Variants in RTN4IP1 observed in about 807,000 individuals in gnomAD.
The protein encoded by RTN4IP1 is NAD(P)H oxidoreductase RTN4IP1, mitochondrial.
In RTN4IP1, 32 loss-of-function variants were observed where a neutral mutation model predicts 46.6. That is an observed-to-expected ratio of 0.69 (90% CI 0.52 to 0.92). The LOEUF is 0.92. Among genes scored for constraint, RTN4IP1 ranks in the 40% least tolerant of loss-of-function variants. The pLI is 0.00. For missense variants in RTN4IP1, 424 were observed against 485.8 expected (o/e 0.87, Z 1.20); for synonymous variants, 167 against 161.8 (o/e 1.03, Z -0.24).
chr6:106,594,941 A>T (rs145571709), intron 5 of RTN4IP1, among the ~76,000 whole-genome samples: 1 of 152,102 alleles, frequency 6.6e-6, no homozygotes, highest in African/African-American at 2.4e-5. Flanking sequence ...AGCTGGCACT[A>T]CAGGCACGTC....
At chr6:106,602,322 TA>T (rs778183552) in intron 5 of RTN4IP1, among the ~76,000 whole-genome samples, 126 of 152,332 alleles carry the variant, frequency 8.3e-4, no homozygotes, top group Non-Finnish European at 1.6e-3. Flanking sequence ...ACTGAATCTA[TA>T]AATCACTTCA....
chr6:106,573,252 G>C (rs957036806), intron 8 of RTN4IP1, among the ~76,000 whole-genome samples: 4 of 152,196 alleles, frequency 2.6e-5, no homozygotes, highest in Admixed American at 2.6e-4. Context: ...TTATCCACCA[G>C]GTATCTCAGT....
intron 8 of RTN4IP1, among the ~76,000 whole-genome samples, chr6:106,574,902 G>A (rs1046323126): frequency 6.6e-6 from 1 of 152,232 alleles, no homozygotes; most frequent in African/African-American, 2.4e-5. Context: ...CAGGCCTATT[G>A]TGGCAAATAA....
At chr6:106,579,304 G>A (rs1399736717) in intron 8 of RTN4IP1, among the ~76,000 whole-genome samples, 1 of 151,378 alleles carries the variant, frequency 6.6e-6, no homozygotes, top group Non-Finnish European at 1.5e-5. Context: ...GACTGAATGT[G>A]GCCCACAGGC....
intron 4 of RTN4IP1, among the ~76,000 whole-genome samples, chr6:106,604,091 C>A (rs75318743): frequency 0.033 from 5,023 of 152,190 alleles, 270 homozygotes; most frequent in East Asian, 0.2. Flanking sequence ...CTGGAAAGTG[C>A]AGGGAATTTT....
chr6:106,615,561 G>A (rs771274100), intron 4 of RTN4IP1, among the ~76,000 whole-genome samples: 5 of 151,956 alleles, frequency 3.3e-5, no homozygotes, highest in Non-Finnish European at 7.4e-5. Flanking sequence ...TGTAACCTCC[G>A]CCTCCCGTGT....
intron 7 of RTN4IP1, among the ~76,000 whole-genome samples, chr6:106,584,096 T>C (rs1019824354): frequency 6.6e-6 from 1 of 152,188 alleles, no homozygotes; most frequent in Non-Finnish European, 1.5e-5. Context: ...CTGCCACTTA[T>C]AAATGTTATT....
At chr6:106,622,724 CA>C in intron 2 of RTN4IP1, 93 bp downstream of exon 2, 1 of 1,330,396 alleles carries the variant, frequency 7.5e-7, no homozygotes, top group South Asian at 1.5e-5. Flanking sequence ...CACTGACAGG[CA>C]AAGTATCTGT....
chr6:106,572,619 A>G (rs1562127031), intron 8 of RTN4IP1, among the ~76,000 whole-genome samples: 1 of 152,190 alleles, frequency 6.6e-6, no homozygotes, highest in African/African-American at 2.4e-5. Flanking sequence ...CAACTCCCAC[A>G]GGAACCATGT....
At chr6:106,576,118 G>C (rs1046830359) in intron 8 of RTN4IP1, among the ~76,000 whole-genome samples, 8 of 152,158 alleles carry the variant, frequency 5.3e-5, no homozygotes, top group Non-Finnish European at 7.3e-5. Flanking sequence ...GGGAAGAAGG[G>C]GACTTAAACT....
At chr6:106,628,676 A>C in intron 1 of RTN4IP1, 72 bp downstream of exon 1, 2 of 1,362,426 alleles carry the variant, frequency 1.5e-6, no homozygotes, top group Non-Finnish European at 2.0e-6. Context: ...AAGCGTAGTC[A>C]ATTTTTTAAA....
intron 4 of RTN4IP1, among the ~76,000 whole-genome samples, chr6:106,614,951 C>A (rs1378323763): frequency 6.8e-6 from 1 of 147,098 alleles, no homozygotes; most frequent in Non-Finnish European, 1.5e-5. Context: ...CAAGTGCCCA[C>A]AGCCCCCACC....
intron 8 of RTN4IP1, among the ~76,000 whole-genome samples, chr6:106,577,419 G>A (rs1454822393): frequency 3.4e-5 from 4 of 118,954 alleles, no homozygotes; most frequent in Admixed American, 2.3e-4. Context: ...CTACACTCCA[G>A]CCTGGGTGAC....
At chr6:106,616,541 T>G (rs1378532282) in intron 4 of RTN4IP1, among the ~76,000 whole-genome samples, 1 of 151,168 alleles carries the variant, frequency 6.6e-6, no homozygotes, top group Non-Finnish European at 1.5e-5. Flanking sequence ...ATGTGCTTTG[T>G]GCAGACTAAG....
rs544726030 is a variant in RTN4IP1, at chr6:106,571,753, C to T, written c.*243G>A. Reference sequence around the variant, plus strand: ...AAACAGAAGGTGCCACAACAACCTGCAAAGCCAGTGTGAAGGAACAGCTTG... The same window carrying T: ...AAACAGAAGGTGCCACAACAACCTGTAAAGCCAGTGTGAAGGAACAGCTTG... On this transcript the variant is annotated 3_prime_UTR_variant, in exon 9 of 9. Transcript: ENST00000369063. 4.6e-6 allele frequency: 2 copies of T among 435,666 alleles called. No homozygotes were observed. Among genetic ancestry groups the T allele is most frequent in the Middle Eastern group, 6.8e-4 (1 of 1,468 alleles). 27.0% of individuals were successfully genotyped at this position (435,666 alleles called of 1,614,324 possible). A position where few individuals can be genotyped will look rare whatever the true frequency, so the allele number is the denominator to read the frequency against.
rs1217048937 is a variant in RTN4IP1 at position 106,601,363 on chromosome 6, T to C, written c.669+1511A>G. The stretch of plus-strand genomic sequence containing the variant: ...GAAATATTTTCTTCCATTCTGTGGG[T>C]TGTCTTTTCATTTTCTTGATAGTGC... On this transcript the variant is annotated intron_variant, in intron 5 of 8. Transcript: ENST00000369063. Among the ~76,000 whole-genome samples, 6 of 151,890 alleles carry C rather than the reference T, an allele frequency of 4.0e-5. No homozygotes were observed. In the South Asian group the frequency reaches 1.0e-3, roughly 26 times the overall value.
At chr6:106,629,830 G>T (rs1776777825), upstream of RTN4IP1, 3 of 1,177,384 alleles carry the variant, frequency 2.5e-6, no homozygotes, top group South Asian at 2.7e-5. Flanking sequence ...AGAACTGAGT[G>T]GGGGATAAGT....
intron 5 of RTN4IP1, among the ~76,000 whole-genome samples, chr6:106,596,968 C>G (rs1436822986): frequency 1.3e-5 from 2 of 152,154 alleles, no homozygotes; most frequent in Non-Finnish European, 2.9e-5. Context: ...AATTTTATTT[C>G]TCTTATAAGT....
In RTN4IP1 at chr6:106,570,977, C is replaced by T. The variant is rs529061439; in HGVS notation, c.*1019G>A. ...AAAACACTTACCGTAAATGAATATT[C>T]GAAGTGCACACTGCAATGGGTTGAT... On this transcript the variant is annotated 3_prime_UTR_variant, in exon 9 of 9. Transcript: ENST00000369063. The T allele has an allele frequency of 3.9e-5, 6 of 152,216 alleles. No homozygotes were observed. The highest frequency in any genetic ancestry group is 1.9e-4 in the East Asian group (1 of 5,180). The allele number at this position is 152,216 out of a possible 1,614,324, so 9.4% of individuals were successfully genotyped here.
Sources: allele counts gnomAD v4.1 joint callset (sites outside exome capture counted in the v4.1 genomes callset), GRCh38; gene constraint gnomAD v4.1.1; transcripts MANE v1.5; gene names NCBI Gene and HGNC (gene_info 2026-07-23, HGNC 2026-07-21).